KIF21B: variants seen among roughly 807,000 people sequenced by gnomAD.
KIF21B encodes kinesin family member 21B.
In KIF21B, 85 loss-of-function variants were observed where a neutral mutation model predicts 192.9. That is an observed-to-expected ratio of 0.44 (90% CI 0.37 to 0.53). The LOEUF (loss-of-function observed/expected upper bound fraction) is 0.53. Among genes scored for constraint, KIF21B ranks in the 20% least tolerant of loss-of-function variants. KIF21B has a pLI of 0.00. For missense variants in KIF21B, 1,716 were observed against 2,194.8 expected (o/e 0.78, Z 4.36); for synonymous variants, 832 against 884.6 (o/e 0.94, Z 1.05).
At chr1:200,985,746 C>T (rs771807251) in intron 26 of KIF21B, among the ~76,000 whole-genome samples, 2 of 148,710 alleles carry the variant, frequency 1.3e-5, no homozygotes, top group African/African-American at 2.5e-5. Flanking sequence ...TCTTTTCCTT[C>T]CTTCCTTCCT....
At chr1:200,985,553 C>T (rs1656228788) in intron 26 of KIF21B, among the ~76,000 whole-genome samples, 1 of 152,154 alleles carries the variant, frequency 6.6e-6, no homozygotes, top group Admixed American at 6.5e-5. Context: ...TGAGCCCCTG[C>T]TTTCCCACTA....
chr1:201,007,557 A>AGG (rs1657965304), intron 3 of KIF21B, among the ~76,000 whole-genome samples: 3 of 105,730 alleles, frequency 2.8e-5, no homozygotes, highest in Non-Finnish European at 6.1e-5. Context: ...CCCACACACA[A>AGG]ACACAGAGAC....
chr1:200,973,895 T>G (rs1655366639), intron 34 of KIF21B: 9 of 1,480,900 alleles, frequency 6.1e-6, no homozygotes, highest in Non-Finnish European at 7.1e-6. Flanking sequence ...TGTCCCACTG[T>G]TCATGCTTGG....
At chr1:200,985,011 C>A (rs1656193946) in intron 26 of KIF21B, 39 bp from the exon 27 acceptor site, 2 of 1,458,324 alleles carry the variant, frequency 1.4e-6, no homozygotes, top group Non-Finnish European at 1.9e-6. Context: ...TTAGTGACCA[C>A]CCCTGCCCAC....
At position 200,990,874 on chromosome 1, in the gene KIF21B, C is replaced by T. The variant is rs1421722405; in HGVS notation, c.2687+43G>A. ...CCCTGGCCCTGCCCCATATTCCCAC[C>T]CCCTCTGCCTGCACAGGCCAGGGGA... On this transcript the variant is annotated intron_variant, in intron 18 of 34. Coordinates refer to ENST00000461742, the MANE Select transcript of KIF21B (RefSeq NM_001252102.2). This position sits in a 1 kb window ranked among gnomAD's most constrained non-coding sequence, Gnocchi z 5.4. 1.9e-6 allele frequency: 3 copies of T among 1,609,906 alleles called. No homozygotes were observed. The highest frequency in any genetic ancestry group is 1.7e-6 in the Non-Finnish European group (2 of 1,176,602).
In KIF21B at chr1:201,008,868, G is replaced by T; in HGVS notation, c.348C>A (p.Ala116=). The T allele has an allele frequency of 1.2e-6, 2 of 1,611,370 alleles. No homozygotes were observed. Among genetic ancestry groups the T allele is most frequent in the Non-Finnish European group, 1.7e-6 (2 of 1,179,964 alleles). Residue 116 remains alanine (A), a synonymous_variant, in exon 3 of 35, where the codon GCC becomes GCA. Transcript: ENST00000461742. ...SEEEQGIIPR[A]IAHLFGGIAE... ...CAATGCCCCCAAAGAGGTGTGCGATGGCCCTCGGGATGATGCCCTGCTCCT... is the reference window on the plus strand; with the variant it reads ...CAATGCCCCCAAAGAGGTGTGCGATTGCCCTCGGGATGATGCCCTGCTCCT...
chr1:201,000,337 G>T lies in KIF21B; in HGVS notation c.1685+53C>A. 6.7e-7 allele frequency: 1 copy of T among 1,487,714 alleles called. No homozygotes were observed. Among genetic ancestry groups the T allele is most frequent in the Non-Finnish European group, 9.0e-7 (1 of 1,116,708 alleles). The allele number at this position is 1,487,714 out of a possible 1,614,324, so 92.2% of individuals were successfully genotyped here. A position where few individuals can be genotyped will look rare whatever the true frequency, so the allele number is the denominator to read the frequency against. ...GCAGTCCTCCTTGGGGACGGGCAGG[G>T]TCCACTGGGGCGGTCTGAGGGCTCT... On this transcript the variant is annotated intron_variant, in intron 11 of 34. Coordinates refer to ENST00000461742, the MANE Select transcript of KIF21B (RefSeq NM_001252102.2). The surrounding 1 kb of genome is among the most constrained non-coding windows in gnomAD (Gnocchi z 6.0).
chr1:201,009,295 A>G lies in KIF21B; in HGVS notation c.235T>C (p.Tyr79His). The G allele has an allele frequency of 6.2e-7, 1 of 1,614,264 alleles. No individual in the cohort carries two copies. The highest frequency in any genetic ancestry group is 8.5e-7 in the Non-Finnish European group (1 of 1,180,046). Reference protein sequence around the residue: ...SKLIEGCFEGYNATVLAYGQT... With the variant: ...SKLIEGCFEGHNATVLAYGQT... ...CCATAGGCCAGCACCGTGGCATTAT[A>G]GCCCTCGAAGCAGCCCTCGATGAGC... The change falls in exon 2 of 35, where the codon TAT becomes CAT. Residue 79 changes from tyrosine (Y) to histidine (H), a missense_variant. By Grantham distance (83) the Tyr-to-His change is moderately conservative. This residue lies in a region of KIF21B where 1,087 missense variants were observed against 1,316.6 expected (regional missense o/e 0.83). Transcript: ENST00000461742.
chr1:200,973,467 T>C lies in KIF21B; in HGVS notation c.*54A>G. 2 of 1,396,690 alleles carry C rather than the reference T, an allele frequency of 1.4e-6. No individual in the cohort carries two copies. The highest frequency in any genetic ancestry group is 1.9e-4 in the Middle Eastern group (1 of 5,196). 86.5% of individuals were successfully genotyped at this position (1,396,690 alleles called of 1,614,324 possible). A position where few individuals can be genotyped will look rare whatever the true frequency, so the allele number is the denominator to read the frequency against. ...CGGCCGGGTCACAGCTTCCCTTCCATGGTGTCCAGGCTGCTGGGGTCGAGG... is the reference window on the plus strand; with the variant it reads ...CGGCCGGGTCACAGCTTCCCTTCCACGGTGTCCAGGCTGCTGGGGTCGAGG... On this transcript the variant is annotated 3_prime_UTR_variant, in exon 35 of 35. Coordinates refer to ENST00000461742, the MANE Select transcript of KIF21B (RefSeq NM_001252102.2).
chr1:201,004,258 T>C, intron 7 of KIF21B, 82 bp downstream of exon 7: 1 of 1,192,380 alleles, frequency 8.4e-7, no homozygotes, highest in Non-Finnish European at 1.2e-6. Flanking sequence ...TGGGGCAGGC[T>C]TGCGCCATAC....
chr1:200,997,111 A>G (rs1657113244), intron 14 of KIF21B, among the ~76,000 whole-genome samples: 1 of 152,120 alleles, frequency 6.6e-6, no homozygotes, highest in African/African-American at 2.4e-5. Flanking sequence ...TCCAGCTTCC[A>G]CTTTCACTCC....
At chr1:201,009,027 C>A in intron 2 of KIF21B, 76 bp from the exon 3 acceptor site, 1 of 1,482,300 alleles carries the variant, frequency 6.7e-7, no homozygotes. Context: ...TGGGCCAAAT[C>A]CCCTTAGCTC....
At position 200,977,199 on chromosome 1, in the gene KIF21B, G is replaced by A. The variant is rs1171306916; in HGVS notation, c.4325+13C>T. The A allele has an allele frequency of 6.2e-7, 1 of 1,604,156 alleles. No individual in the cohort carries two copies. Among genetic ancestry groups the A allele is most frequent in the Non-Finnish European group, 8.5e-7 (1 of 1,172,384 alleles). Reference sequence around the variant, plus strand: ...ATGCCAAACCCTCCTCCCTCCCCAGGTATCACGCTGACCTGCTAAGCTCCC... The same window carrying A: ...ATGCCAAACCCTCCTCCCTCCCCAGATATCACGCTGACCTGCTAAGCTCCC... On this transcript the variant is annotated intron_variant, in intron 31 of 34. Coordinates refer to ENST00000461742, the MANE Select transcript of KIF21B (RefSeq NM_001252102.2).
Position 201,008,783 on chromosome 1 carries a change from C to A in KIF21B, c.433G>T (p.Ala145Ser). The change falls in exon 3 of 35, where the codon GCC becomes TCC. Residue 145 changes from alanine to serine, a missense_variant. Around this residue, in one of 3 missense-constraint regions of KIF21B, gnomAD observed 1,087 missense variants for 1,316.6 expected, o/e 0.83. Transcript: ENST00000461742. The part of the protein sequence containing the change: ...GVAGPEFKVS[A>S]QFLELYNEEI... ...GGCCACAGTACCTCCAGAAACTGGG[C>A]GCTGACTTTGAACTCAGGTCCAGCC... 1 of 1,599,564 alleles carries A rather than the reference C, an allele frequency of 6.3e-7. No homozygotes were observed. The highest frequency in any genetic ancestry group is 8.5e-7 in the Non-Finnish European group (1 of 1,178,444).
At chr1:200,997,667 G>A (rs781534470) in intron 14 of KIF21B, among the ~76,000 whole-genome samples, 4 of 152,118 alleles carry the variant, frequency 2.6e-5, no homozygotes, top group Non-Finnish European at 4.4e-5. Flanking sequence ...CGATTGAACC[G>A]GGGGTCAGAG....
At position 201,017,569 on chromosome 1, in the gene KIF21B, C is replaced by T. The variant is rs1658578986; in HGVS notation, c.41+5774G>A. On this transcript the variant is annotated intron_variant, in intron 1 of 34. Coordinates refer to ENST00000461742, the MANE Select transcript of KIF21B (RefSeq NM_001252102.2). This position sits in a 1 kb window ranked among gnomAD's most constrained non-coding sequence, Gnocchi z 4.1. ...CCCAGAGCTGTGACGGTATTGGCAT[C>T]TGCATCTGGTGGGGAATGGCCAGTG... 6.6e-6 allele frequency among the ~76,000 whole-genome samples: 1 copy of T among 152,254 alleles called. No homozygotes were observed. Among genetic ancestry groups the T allele is most frequent in the Admixed American group, 6.5e-5 (1 of 15,286 alleles).
chr1:201,004,462 G>A lies in KIF21B; in HGVS notation c.901-7C>T. On this transcript the variant is annotated splice_polypyrimidine_tract_variant and splice_region_variant and intron_variant, in intron 6 of 34. Transcript: ENST00000461742. Reference sequence around the variant, plus strand: ...TCACATTGCCCAAGGCCAGCTGTGGGAGACAGACCCTGGCACTCAGCAGTC... The same window carrying A: ...TCACATTGCCCAAGGCCAGCTGTGGAAGACAGACCCTGGCACTCAGCAGTC... 1 of 1,563,164 alleles carries A rather than the reference G, an allele frequency of 6.4e-7. No homozygotes were observed. The highest frequency in any genetic ancestry group is 8.7e-7 in the Non-Finnish European group (1 of 1,152,072).
rs1657272371 is a variant in KIF21B at position 200,998,947 on chromosome 1, AG to A, written c.1886-373del. On this transcript the variant is annotated intron_variant, in intron 13 of 34. Transcript: ENST00000461742. This position sits in a 1 kb window ranked among gnomAD's most constrained non-coding sequence, Gnocchi z 4.3. ...CAGGGCTGGCAGCAGGCAGGGCTGA[AG>A]GGGCAGGCATCTCCATTTAGAGGAG... Among the ~76,000 whole-genome samples the A allele has an allele frequency of 6.6e-6, 1 of 152,142 alleles. No individual in the cohort carries two copies. Among genetic ancestry groups the A allele is most frequent in the Non-Finnish European group, 1.5e-5 (1 of 68,022 alleles).
rs1347551359 is a variant in KIF21B at position 201,000,171 on chromosome 1, G to C, written c.1686-207C>G. On this transcript the variant is annotated intron_variant, in intron 11 of 34. Transcript: ENST00000461742. This position sits in a 1 kb window ranked among gnomAD's most constrained non-coding sequence, Gnocchi z 6.0. ...AGCTCAGTCCTTCCTCTCCTTGGGG[G>C]AAAGCAGATGGCATAGGAGAACGTG... Among the ~76,000 whole-genome samples the C allele has an allele frequency of 3.3e-5, 5 of 152,168 alleles. No homozygotes were observed. The highest frequency in any genetic ancestry group is 1.3e-4 in the Admixed American group (2 of 15,282).
Sources: allele counts gnomAD v4.1 joint callset (sites outside exome capture counted in the v4.1 genomes callset), GRCh38; gene constraint gnomAD v4.1.1; regional missense constraint gnomAD v4.1.1; non-coding constraint Gnocchi (gnomAD v3.1); transcripts MANE v1.5; gene names NCBI Gene and HGNC (gene_info 2026-07-23, HGNC 2026-07-21).